RAB11FIP4: variants seen among roughly 807,000 people sequenced by gnomAD.
The protein encoded by RAB11FIP4 is rab11 family-interacting protein 4.
RAB11FIP4 carries 23 observed loss-of-function variants against 74.3 expected under a neutral mutation model. The observed-to-expected ratio is 0.31, with a 90% CI of 0.22 to 0.44. RAB11FIP4 has a LOEUF of 0.44. Ranked by LOEUF, RAB11FIP4 falls within the 20% of genes least tolerant of loss-of-function variation. The pLI is 1.00. For synonymous variants in RAB11FIP4, 360 were observed against 359.9 expected (o/e 1.00, Z 0.00); for missense variants, 630 against 863.9 (o/e 0.73, Z 3.39).
intron 3 of RAB11FIP4, among the ~76,000 whole-genome samples, chr17:31,453,285 A>G (rs1423935685): frequency 7.2e-6 from 1 of 139,730 alleles, no homozygotes; most frequent in East Asian, 2.4e-4. Context: ...TAGGAGGTTG[A>G]GGCTGCAGTG....
In RAB11FIP4 at chr17:31,525,079, G is replaced by T. The variant is rs112675095; in HGVS notation, c.1134-11G>T. ...CAGGCCCCAAGAGCTTGCCCATTGC[G>T]CTGTCCTCAGGGTGCATGAGCTGGA... On this transcript the variant is annotated splice_polypyrimidine_tract_variant and intron_variant, in intron 9 of 14. Transcript: ENST00000621161. The T allele has an allele frequency of 7.1e-6, 11 of 1,550,228 alleles. No individual in the cohort carries two copies. Among genetic ancestry groups the T allele is most frequent in the African/African-American group, 6.8e-5 (5 of 73,200 alleles).
chr17:31,481,483 G>A (rs573414029), intron 3 of RAB11FIP4, among the ~76,000 whole-genome samples: 29 of 152,298 alleles, frequency 1.9e-4, no homozygotes, highest in African/African-American at 6.3e-4. Context: ...GGCACGCAGG[G>A]TGGGACCTCT....
chr17:31,505,552 A>T (rs1256567272), intron 3 of RAB11FIP4, among the ~76,000 whole-genome samples: 17 of 67,724 alleles, frequency 2.5e-4, no homozygotes, highest in African/African-American at 1.1e-3. Flanking sequence ...TATTATATAT[A>T]ATAATAATTA....
At chr17:31,516,520 A>T (rs768391642) in intron 3 of RAB11FIP4, among the ~76,000 whole-genome samples, 3 of 152,252 alleles carry the variant, frequency 2.0e-5, no homozygotes, top group African/African-American at 4.8e-5. Context: ...CCCAGGCCGA[A>T]CTGCAGTGGC....
chr17:31,422,432 T>C (rs991807444), intron 1 of RAB11FIP4, among the ~76,000 whole-genome samples: 12 of 152,258 alleles, frequency 7.9e-5, no homozygotes, highest in African/African-American at 2.7e-4. Flanking sequence ...TTATATTCTC[T>C]AGAGGAGTGT....
At chr17:31,473,315 GGA>G (rs2071757695) in intron 3 of RAB11FIP4, among the ~76,000 whole-genome samples, 1 of 151,924 alleles carries the variant, frequency 6.6e-6, no homozygotes, top group African/African-American at 2.4e-5. Context: ...TGAGGCAGGT[GGA>G]TTGCTTGAGG....
At position 31,505,533 on chromosome 17, in the gene RAB11FIP4, A is replaced by G. The variant is rs1349066885; in HGVS notation, c.337-12118A>G. 5.8e-4 allele frequency among the ~76,000 whole-genome samples: 52 copies of G among 89,324 alleles called. 1 individual carries two copies. The highest frequency in any genetic ancestry group is 2.3e-3 in the African/African-American group (47 of 20,864). The allele number at this position is 89,324 out of a possible 152,430, so 58.6% of individuals were successfully genotyped here. A position where few individuals can be genotyped will look rare whatever the true frequency, so the allele number is the denominator to read the frequency against. On this transcript the variant is annotated intron_variant, in intron 3 of 14. Transcript: ENST00000621161. ...ATATAATAATTATATATTATATATA[A>G]TTATTATATATTATATATAATAATA...
intron 3 of RAB11FIP4, chr17:31,488,328 T>C: frequency 9.4e-7 from 1 of 1,069,488 alleles, no homozygotes; most frequent in Non-Finnish European, 1.1e-6. Flanking sequence ...CGCACCTGGC[T>C]CGGCCCGGCC....
chr17:31,443,495 A>C lies in RAB11FIP4; in HGVS notation c.336+9373A>C, dbSNP rs78819508. 2.4e-3 allele frequency among the ~76,000 whole-genome samples: 369 copies of C among 152,366 alleles called. 1 individual carries two copies. Among genetic ancestry groups the C allele is most frequent in the African/African-American group, 8.2e-3 (343 of 41,584 alleles). On this transcript the variant is annotated intron_variant, in intron 3 of 14. Coordinates refer to ENST00000621161, the MANE Select transcript of RAB11FIP4 (RefSeq NM_032932.6). ...TAATTCGTAGAATTGACTGATGTCT[A>C]GAGTGAGGTAGGGATCCAGTTTGCC...
At chr17:31,524,751 AG>A (rs2072732230) in intron 9 of RAB11FIP4, 1 of 339,928 alleles carries the variant, frequency 2.9e-6, no homozygotes, top group Admixed American at 4.5e-5. Context: ...TATTAATCAG[AG>A]GGGTGGCCGG....
intron 1 of RAB11FIP4, among the ~76,000 whole-genome samples, chr17:31,400,798 T>A: frequency 6.6e-6 from 1 of 152,024 alleles, no homozygotes; most frequent in East Asian, 1.9e-4. Flanking sequence ...GAGACCTGAG[T>A]GCAGCTGTGG....
At chr17:31,421,450 C>T (rs2071198573) in intron 1 of RAB11FIP4, among the ~76,000 whole-genome samples, 2 of 151,808 alleles carry the variant, frequency 1.3e-5, no homozygotes, top group African/African-American at 2.4e-5. Flanking sequence ...AACTCCTGAC[C>T]TCAAGTGATC....
intron 1 of RAB11FIP4, among the ~76,000 whole-genome samples, chr17:31,429,365 C>G (rs1163220155): frequency 6.6e-6 from 1 of 152,154 alleles, no homozygotes; most frequent in Admixed American, 6.5e-5. Flanking sequence ...ACACAATATC[C>G]CAATAGACTT....
chr17:31,411,092 G>T (rs538572147), intron 1 of RAB11FIP4, among the ~76,000 whole-genome samples: 1 of 152,278 alleles, frequency 6.6e-6, no homozygotes, highest in South Asian at 2.1e-4. Flanking sequence ...GGCCGGGCGC[G>T]GTGGCTCACG....
At chr17:31,525,974 C>G (rs971762042) in intron 10 of RAB11FIP4, 1 of 152,222 alleles carries the variant, frequency 6.6e-6, no homozygotes, top group African/African-American at 2.4e-5. Context: ...CCCCACCTGG[C>G]GGCTGGTGGG....
intron 3 of RAB11FIP4, among the ~76,000 whole-genome samples, chr17:31,443,221 C>T (rs2071422048): frequency 6.6e-6 from 1 of 152,196 alleles, no homozygotes; most frequent in Admixed American, 6.5e-5. Context: ...TCGACATTCT[C>T]CACCCTGGCT....
chr17:31,504,255 C>T (rs1361537691), intron 3 of RAB11FIP4, among the ~76,000 whole-genome samples: 5 of 149,334 alleles, frequency 3.3e-5, no homozygotes, highest in East Asian at 1.9e-4. Flanking sequence ...CACAGCCTCC[C>T]GAGTAGCTGG....
intron 1 of RAB11FIP4, among the ~76,000 whole-genome samples, chr17:31,405,575 G>A (rs2071034790): frequency 6.6e-6 from 1 of 152,144 alleles, no homozygotes; most frequent in South Asian, 2.1e-4. Context: ...GTTTCACTGT[G>A]TTGGCAAGGC....
chr17:31,520,170 A>T (rs2072635989), intron 4 of RAB11FIP4, among the ~76,000 whole-genome samples: 1 of 151,998 alleles, frequency 6.6e-6, no homozygotes, highest in Admixed American at 6.6e-5. Flanking sequence ...TTTACATTGC[A>T]TTAGGTATGA....
Sources: gnomAD v4.1 joint callset for allele counts (sites outside exome capture counted in the v4.1 genomes callset) on GRCh38, gnomAD v4.1.1 for gene constraint, MANE v1.5 for transcripts, NCBI Gene and HGNC (gene_info 2026-07-23, HGNC 2026-07-21) for gene names.